Variants in DISC1 observed in about 807,000 individuals in gnomAD.
The protein encoded by DISC1 is DISC1 scaffold protein.
A neutral mutation model predicts 84.5 loss-of-function variants in DISC1; 57 were observed. The observed-to-expected ratio is 0.67, with a 90% CI of 0.55 to 0.84. The LOEUF (loss-of-function observed/expected upper bound fraction) is 0.84. DISC1 is among the 40% of genes least tolerant of loss of function. The pLI, the probability that DISC1 is intolerant of heterozygous loss-of-function variation, is 0.00. For missense variants in DISC1, 1,000 were observed against 1,057.8 expected, an observed-to-expected ratio of 0.95 and a Z score of 0.76; for synonymous variants, 411 against 415.2, an observed-to-expected ratio of 0.99 and a Z score of 0.12.
chr1:231,801,653 T>C (rs564442327), intron 8 of DISC1, among the ~76,000 whole-genome samples: 1 of 152,188 alleles, frequency 6.6e-6, no homozygotes, highest in Non-Finnish European at 1.5e-5. Flanking sequence ...TTTCAGTCAA[T>C]GGGCTGTCCC....
In DISC1 at chr1:231,868,692, TTATATATATATATATA is replaced by T. The variant is rs58636016; in HGVS notation, c.1981+50203_1981+50218del. On this transcript the variant is annotated intron_variant, in intron 9 of 12. Transcript: ENST00000439617. ...GGGCAACATAGCAAGACCCCATCTC[TTATATATATATATATA>T]TATATATATATATATATATATATAT... Among the ~76,000 whole-genome samples the T allele has an allele frequency of 8.8e-3, 956 of 108,802 alleles. 21 individuals are homozygous for T. Among genetic ancestry groups the T allele is most frequent in the African/African-American group, 0.023 (713 of 31,566 alleles). 71.4% of individuals were successfully genotyped at this position (108,802 alleles called of 152,430 possible).
At chr1:231,782,206 T>C (rs953502431) in intron 6 of DISC1, among the ~76,000 whole-genome samples, 1 of 152,236 alleles carries the variant, frequency 6.6e-6, no homozygotes, top group Non-Finnish European at 1.5e-5. Flanking sequence ...TTGATATTGG[T>C]GTTTGGATTC....
intron 3 of DISC1, among the ~76,000 whole-genome samples, chr1:231,714,729 GGAGAGAGA>G (rs151303418): frequency 6.7e-6 from 1 of 148,378 alleles, no homozygotes. Flanking sequence ...AAAGATATAG[GGAGAGAGA>G]GAGAGAGAGA....
At chr1:231,773,602 T>C (rs2076726745) in intron 6 of DISC1, among the ~76,000 whole-genome samples, 1 of 152,128 alleles carries the variant, frequency 6.6e-6, no homozygotes, top group Non-Finnish European at 1.5e-5. Context: ...GCCAGGATGG[T>C]CTTAATTTCC....
In DISC1 at chr1:231,675,794, A is replaced by AT. The variant is rs2063085689; in HGVS notation, c.68-18027dup. On this transcript the variant is annotated intron_variant, in intron 1 of 12. Coordinates refer to ENST00000439617, the MANE Select transcript of DISC1 (RefSeq NM_018662.3). The surrounding 1 kb of genome is among the most constrained non-coding windows in gnomAD (Gnocchi z 4.1). ...TCTTATCTTTTCCTCCATGAGCTCC[A>AT]TTTTTCTGTTCCAAATAGCTCTAGT... Among the ~76,000 whole-genome samples the AT allele has an allele frequency of 7.1e-6, 1 of 141,466 alleles. No homozygotes were observed. Among genetic ancestry groups the AT allele is most frequent in the African/African-American group, 2.6e-5 (1 of 37,990 alleles). 92.8% of individuals were successfully genotyped at this position (141,466 alleles called of 152,430 possible).
intron 9 of DISC1, among the ~76,000 whole-genome samples, chr1:231,913,509 G>A (rs773800819): frequency 3.3e-5 from 5 of 152,118 alleles, no homozygotes; most frequent in Admixed American, 6.5e-5. Context: ...TGAGGCAGCC[G>A]AGGTGCCTGG....
chr1:231,645,155 C>T (rs199970201), intron 1 of DISC1, among the ~76,000 whole-genome samples: 8 of 152,146 alleles, frequency 5.3e-5, no homozygotes, highest in East Asian at 3.8e-4. Flanking sequence ...AAGGCAGGAT[C>T]GTCACCATGG....
intron 8 of DISC1, 57 bp from the exon 9 acceptor site, chr1:231,818,270 CAT>C (rs1215698809): frequency 4.6e-6 from 7 of 1,532,474 alleles, no homozygotes; most frequent in Middle Eastern, 2.2e-4. Flanking sequence ...CTAGATCTTC[CAT>C]GTGTGTGGAT....
intron 1 of DISC1, among the ~76,000 whole-genome samples, chr1:231,647,142 C>T (rs1296738696): frequency 6.6e-6 from 1 of 152,166 alleles, no homozygotes; most frequent in Non-Finnish European, 1.5e-5. Flanking sequence ...CTTGCCCATG[C>T]CTATGTCCTG....
chr1:232,023,129 G>A (rs1178758344), intron 11 of DISC1, among the ~76,000 whole-genome samples: 1 of 152,094 alleles, frequency 6.6e-6, no homozygotes, highest in African/African-American at 2.4e-5. Context: ...GGATGTTAAA[G>A]GTTCAGGAAA....
At chr1:232,021,768 C>T (rs904191707) in intron 11 of DISC1, among the ~76,000 whole-genome samples, 3 of 152,154 alleles carry the variant, frequency 2.0e-5, no homozygotes, top group Non-Finnish European at 2.9e-5. Context: ...TTATGATATT[C>T]GTGGATCTGT....
intron 10 of DISC1, among the ~76,000 whole-genome samples, chr1:231,980,888 CA>C (rs1005380333): frequency 5.3e-4 from 80 of 152,220 alleles, no homozygotes; most frequent in African/African-American, 1.8e-3. Flanking sequence ...TCAACAATTT[CA>C]AGAGAAGAAA....
chr1:231,763,367 T>C (rs1395359573), intron 4 of DISC1, among the ~76,000 whole-genome samples: 1 of 152,246 alleles, frequency 6.6e-6, no homozygotes, highest in Non-Finnish European at 1.5e-5. Flanking sequence ...TCTTGATTCA[T>C]AGTACTTTAT....
In DISC1 at chr1:231,849,282, G is replaced by A. The variant is rs571682230; in HGVS notation, c.1981+30765G>A. 1.2e-4 allele frequency among the ~76,000 whole-genome samples: 18 copies of A among 152,118 alleles called. No homozygotes were observed. The East Asian group carries it at 1.4e-3, about 11-fold the overall frequency. ...ATCATAGGGATGCGCCACCACGCTC[G>A]GCTAATTGTGTATTTTTAGTAGAGA... On this transcript the variant is annotated intron_variant, in intron 9 of 12. Coordinates refer to ENST00000439617, the MANE Select transcript of DISC1 (RefSeq NM_018662.3).
At chr1:231,953,718 A>G (rs1402033380) in intron 9 of DISC1, among the ~76,000 whole-genome samples, 21 of 152,186 alleles carry the variant, frequency 1.4e-4, no homozygotes, top group Admixed American at 1.4e-3. Context: ...TTGGTACTTA[A>G]TGTTAATTTA....
chr1:231,804,329 C>T (rs1435376556), intron 8 of DISC1, among the ~76,000 whole-genome samples: 2 of 152,002 alleles, frequency 1.3e-5, no homozygotes, highest in African/African-American at 2.4e-5. Flanking sequence ...GGACAGAGAG[C>T]TTTTCAGTCA....
intron 3 of DISC1, among the ~76,000 whole-genome samples, chr1:231,722,351 C>A (rs1280984850): frequency 2.0e-5 from 3 of 152,132 alleles, no homozygotes; most frequent in East Asian, 1.9e-4. Context: ...GTATTTGATA[C>A]AAATGAGGTT....
chr1:231,951,374 G>A (rs1289915056), intron 9 of DISC1, among the ~76,000 whole-genome samples: 1 of 152,122 alleles, frequency 6.6e-6, no homozygotes, highest in Non-Finnish European at 1.5e-5. Flanking sequence ...AAGCTTGGAG[G>A]GAAATGATTT....
At chr1:232,008,423 A>T (rs1177591794) in intron 10 of DISC1, among the ~76,000 whole-genome samples, 1 of 152,194 alleles carries the variant, frequency 6.6e-6, no homozygotes, top group Admixed American at 6.5e-5. Flanking sequence ...GGACAGAGAG[A>T]GTTGATCTAG....
Sources: gnomAD v4.1 joint callset for allele counts (sites outside exome capture counted in the v4.1 genomes callset) on GRCh38, gnomAD v4.1.1 for gene constraint, Gnocchi (gnomAD v3.1) non-coding constraint, MANE v1.5 for transcripts, NCBI Gene and HGNC (gene_info 2026-07-23, HGNC 2026-07-21) for gene names.